ABI2: variants seen among roughly 807,000 people sequenced by gnomAD.
ABI2 encodes abelson interactor 2.
Under a neutral mutation model 59.2 loss-of-function variants are expected in ABI2, and 25 were observed. The ratio of observed to expected loss-of-function variants is 0.42; its 90% CI spans 0.31 to 0.59. The LOEUF (loss-of-function observed/expected upper bound fraction) is 0.59, where lower values mean the gene tolerates loss of function less well. Ranked by LOEUF, ABI2 falls within the 20% of genes least tolerant of loss-of-function variation. The pLI is 0.14. For synonymous variants in ABI2, 213 were observed against 235.5 expected (o/e 0.90, Z 0.87); for missense variants, 545 against 681.8 (o/e 0.80, Z 2.23).
intron 1 of ABI2, among the ~76,000 whole-genome samples, chr2:203,356,062 C>G (rs1395931643): frequency 2.0e-5 from 3 of 152,012 alleles, no homozygotes; most frequent in Non-Finnish European, 4.4e-5. Context: ...TTTTCTCTCT[C>G]TCTGAAAGCT....
intron 10 of ABI2, among the ~76,000 whole-genome samples, chr2:203,416,364 C>T (rs1482495138): frequency 6.6e-6 from 1 of 151,732 alleles, no homozygotes; most frequent in East Asian, 1.9e-4. Flanking sequence ...GGCGTGATCT[C>T]GACTCACTGC....
intron 4 of ABI2, among the ~76,000 whole-genome samples, chr2:203,388,684 AAAT>A (rs757094732): frequency 7.9e-5 from 12 of 151,862 alleles, no homozygotes; most frequent in South Asian, 2.1e-4. Context: ...CTGTCTTAAA[AAAT>A]AATAATAATA....
intron 10 of ABI2, among the ~76,000 whole-genome samples, chr2:203,413,104 T>C (rs1401034548): frequency 6.6e-6 from 1 of 152,224 alleles, no homozygotes; most frequent in Non-Finnish European, 1.5e-5. Flanking sequence ...GCCAATCAAT[T>C]GCTACTGCAT....
At chr2:203,346,405 A>G (rs1218048056) in intron 1 of ABI2, among the ~76,000 whole-genome samples, 2 of 152,232 alleles carry the variant, frequency 1.3e-5, no homozygotes, top group Non-Finnish European at 2.9e-5. Flanking sequence ...TGGGACTAAT[A>G]GGCATGTGTA....
In ABI2 at chr2:203,339,912, C is replaced by T. The variant is rs146029501; in HGVS notation, c.117+11281C>T. ...ATCCTGCAGTCACCCTTGTGGAACG[C>T]GTGTATATGAAAAGTCATCTGTCCC... On this transcript the variant is annotated intron_variant, in intron 1 of 11. Transcript: ENST00000261018. Among the ~76,000 whole-genome samples, 4 of 152,212 alleles carry T rather than the reference C, an allele frequency of 2.6e-5. No individual in the cohort carries two copies. In the East Asian group the frequency reaches 5.8e-4, roughly 22 times the overall value.
chr2:203,346,845 A>C (rs948192663), intron 1 of ABI2, among the ~76,000 whole-genome samples: 1 of 152,174 alleles, frequency 6.6e-6, no homozygotes, highest in Non-Finnish European at 1.5e-5. Context: ...CTTATCTTAT[A>C]TTCTTGCAGT....
Position 203,395,798 on chromosome 2 carries a change from C to G in ABI2, c.850+18C>G. 1 of 1,564,698 alleles carries G rather than the reference C, an allele frequency of 6.4e-7. No homozygotes were observed. Among genetic ancestry groups the G allele is most frequent in the Non-Finnish European group, 8.7e-7 (1 of 1,154,416 alleles). ...CTTTCCAGGTAAAACATTCATGGTGCCTCGTCTTCACTTTTCCTTTCTGAA... is the reference window on the plus strand; with the variant it reads ...CTTTCCAGGTAAAACATTCATGGTGGCTCGTCTTCACTTTTCCTTTCTGAA... On this transcript the variant is annotated intron_variant, in intron 7 of 11. Transcript: ENST00000261018.
chr2:203,376,165 A>T, intron 2 of ABI2: 4 of 1,474,884 alleles, frequency 2.7e-6, no homozygotes, highest in Non-Finnish European at 3.6e-6. Flanking sequence ...CTTCCTCTAT[A>T]GATCTTTGGT....
chr2:203,383,919 G>C (rs2096290411), intron 4 of ABI2, among the ~76,000 whole-genome samples: 1 of 151,938 alleles, frequency 6.6e-6, no homozygotes, highest in African/African-American at 2.4e-5. Flanking sequence ...TCCCATTGCT[G>C]TCATACTTTT....
chr2:203,401,831 C>T (rs1302032653), intron 8 of ABI2, among the ~76,000 whole-genome samples: 3 of 152,038 alleles, frequency 2.0e-5, no homozygotes, highest in African/African-American at 7.2e-5. Flanking sequence ...TGCTACCTTA[C>T]GTTTATTATT....
At chr2:203,424,397 T>C (rs1308392594) in intron 11 of ABI2, among the ~76,000 whole-genome samples, 5 of 152,164 alleles carry the variant, frequency 3.3e-5, no homozygotes. Flanking sequence ...AAAATGAATA[T>C]TCATTTAAAA....
chr2:203,377,736 A>G (rs995913199), intron 2 of ABI2, among the ~76,000 whole-genome samples: 11 of 152,008 alleles, frequency 7.2e-5, no homozygotes, highest in African/African-American at 1.9e-4. Flanking sequence ...AAAAACCCCA[A>G]CTCTACAGAC....
chr2:203,398,619 G>C (rs2097100686), intron 8 of ABI2, among the ~76,000 whole-genome samples: 1 of 152,126 alleles, frequency 6.6e-6, no homozygotes, highest in Admixed American at 6.5e-5. Flanking sequence ...TTTTGGCAAA[G>C]GTGTACTGAC....
In ABI2 at chr2:203,376,019, T is replaced by G. The variant is rs1302558889; in HGVS notation, c.286-4189T>G. ...TAGATTACCTTTATTATTATAGATG[T>G]TTTTTAAAAGTTATTTACTTAAAAT... On this transcript the variant is annotated intron_variant, in intron 2 of 11. Coordinates refer to ENST00000261018, the MANE Select transcript of ABI2 (RefSeq NM_001375670.1). 1.6e-5 allele frequency: 22 copies of G among 1,417,632 alleles called. No individual in the cohort carries two copies. In the Admixed American group the frequency reaches 1.8e-4, roughly 12 times the overall value. 87.8% of individuals were successfully genotyped at this position (1,417,632 alleles called of 1,614,324 possible).
chr2:203,417,673 C>T (rs2097957306), intron 11 of ABI2, among the ~76,000 whole-genome samples: 1 of 152,094 alleles, frequency 6.6e-6, no homozygotes, highest in East Asian at 1.9e-4. Flanking sequence ...AGCTACTAAC[C>T]CACTGAGTCT....
intron 1 of ABI2, among the ~76,000 whole-genome samples, chr2:203,343,151 G>A (rs2081026795): frequency 1.3e-5 from 2 of 152,118 alleles, no homozygotes; most frequent in South Asian, 2.1e-4. Context: ...ATCACGTGAG[G>A]TCAGGAGTTT....
At chr2:203,408,762 C>G (rs1485595903) in intron 9 of ABI2, among the ~76,000 whole-genome samples, 2 of 150,958 alleles carry the variant, frequency 1.3e-5, no homozygotes, top group African/African-American at 4.9e-5. Context: ...TGTCTCTACT[C>G]TTCTAGTGCC....
intron 1 of ABI2, among the ~76,000 whole-genome samples, chr2:203,350,551 T>C (rs1360545888): frequency 2.0e-5 from 3 of 151,368 alleles, no homozygotes; most frequent in Non-Finnish European, 2.9e-5. Context: ...TTTTTTTTTT[T>C]TTTTTAAAGT....
intron 11 of ABI2, among the ~76,000 whole-genome samples, chr2:203,418,308 C>G (rs191591864): frequency 3.3e-5 from 5 of 152,334 alleles, no homozygotes; most frequent in African/African-American, 1.2e-4. Context: ...AACAAAACAT[C>G]CATTATCTCC....
Sources: allele counts gnomAD v4.1 joint callset (sites outside exome capture counted in the v4.1 genomes callset), GRCh38; gene constraint gnomAD v4.1.1; transcripts MANE v1.5; gene names NCBI Gene and HGNC (gene_info 2026-07-23, HGNC 2026-07-21).